Variants in GNE observed in about 807,000 individuals in gnomAD.
GNE encodes glucosamine (UDP-N-acetyl)-2-epimerase/N-acetylmannosamine kinase.
In GNE, 41 loss-of-function variants were observed where a neutral mutation model predicts 61.8. The observed-to-expected ratio is 0.66, with a 90% confidence interval of 0.52 to 0.86. The LOEUF is 0.86. GNE is among the 40% of genes least tolerant of loss of function. The pLI is 0.00. For missense variants in GNE, 608 were observed against 909.1 expected (o/e 0.67, Z 4.26); for synonymous variants, 264 against 326.4 (o/e 0.81, Z 2.06).
At chr9:36,248,044 A>T (rs1164530542) in intron 2 of GNE, among the ~76,000 whole-genome samples, 1 of 151,628 alleles carries the variant, frequency 6.6e-6, no homozygotes, top group Non-Finnish European at 1.5e-5. Flanking sequence ...AAAAAAAAAA[A>T]AAAAATCTGT....
intron 11 of GNE, 77 bp from the exon 12 acceptor site, chr9:36,217,677 G>A: frequency 2.3e-6 from 2 of 866,898 alleles, no homozygotes; most frequent in Admixed American, 4.0e-5. Flanking sequence ...GCAGAAAAGA[G>A]CCAGCAGCAG....
intron 1 of GNE, among the ~76,000 whole-genome samples, chr9:36,274,241 A>T (rs1348500134): frequency 6.6e-6 from 1 of 151,948 alleles, no homozygotes; most frequent in Non-Finnish European, 1.5e-5. Flanking sequence ...GACTACAGGC[A>T]TGTGCCACCA....
At chr9:36,258,618 G>T, upstream of GNE, 1 of 601,262 alleles carries the variant, frequency 1.7e-6, no homozygotes, top group Non-Finnish European at 2.1e-6. Context: ...GCAGGGTGCT[G>T]ACCAGCGGAC....
intron 1 of GNE, among the ~76,000 whole-genome samples, chr9:36,266,913 C>T (rs983679725): frequency 1.2e-4 from 18 of 150,108 alleles, no homozygotes; most frequent in Admixed American, 3.3e-4. Flanking sequence ...AAAAAAAATA[C>T]AAAAATTAAC....
At position 36,217,092 on chromosome 9, in the gene GNE, A is replaced by G. The variant is rs192714222; in HGVS notation, c.*273T>C. 2.4e-4 allele frequency: 118 copies of G among 490,290 alleles called. No individual in the cohort carries two copies. The highest frequency in any genetic ancestry group is 2.1e-3 in the African/African-American group (107 of 51,528). The allele number at this position is 490,290 out of a possible 1,614,324, so 30.4% of individuals were successfully genotyped here. ...AAGAAGGCTTCCTCTCTATTATTGTAGCTGCTTTGGCACAGAAAATTGTGA... is the reference window on the plus strand; with the variant it reads ...AAGAAGGCTTCCTCTCTATTATTGTGGCTGCTTTGGCACAGAAAATTGTGA... On this transcript the variant is annotated 3_prime_UTR_variant, in exon 12 of 12. Coordinates refer to ENST00000642385, the MANE Select transcript of GNE (RefSeq NM_005476.7).
rs1563922571 is a variant in GNE at position 36,214,952 on chromosome 9, A to G, written c.*2413T>C. 6.6e-6 allele frequency: 1 copy of G among 152,242 alleles called. No individual in the cohort carries two copies. Among genetic ancestry groups the G allele is most frequent in the Non-Finnish European group, 1.5e-5 (1 of 68,046 alleles). The allele number at this position is 152,242 out of a possible 1,614,324, so 9.4% of individuals were successfully genotyped here. ...TGAACACTGAAACAATATGTTGTAG[A>G]AACCTTCATTTTCCCAAAATAGAAA... On this transcript the variant is annotated 3_prime_UTR_variant, in exon 12 of 12. Transcript: ENST00000642385.
chr9:36,232,723 C>G lies in GNE; in HGVS notation c.982+1197G>C, dbSNP rs180858856. On this transcript the variant is annotated intron_variant, in intron 5 of 11. Coordinates refer to ENST00000642385, the MANE Select transcript of GNE (RefSeq NM_005476.7). ...ATCATATACCTTGTGTTACAGCAGG[C>G]ACAGCATATAGAATTCCTGATATTT... Among the ~76,000 whole-genome samples the G allele has an allele frequency of 5.8e-3, 882 of 152,332 alleles. 11 individuals are homozygous for G. Among genetic ancestry groups the G allele is most frequent in the African/African-American group, 0.02 (816 of 41,572 alleles).
intron 1 of GNE, among the ~76,000 whole-genome samples, chr9:36,275,151 C>T (rs949975099): frequency 2.0e-5 from 3 of 152,160 alleles, no homozygotes; most frequent in African/African-American, 4.8e-5. Flanking sequence ...ACTTCAAATC[C>T]GCTTGTCCAA....
chr9:36,275,146 A>T (rs1156639519), intron 1 of GNE, among the ~76,000 whole-genome samples: 3 of 152,214 alleles, frequency 2.0e-5, no homozygotes, highest in Non-Finnish European at 2.9e-5. Context: ...CAAGCACTTC[A>T]AATCCGCTTG....
rs1829868779 is a variant in GNE at position 36,246,230 on chromosome 9, A to G, written c.417T>C (p.Ser139=). ...GTCTGATAGAGTCATCAATGGTCCC[A>G]CTGACTTCCCCACCTTCAATGTGAA... The part of the protein sequence containing the change: ...RILHIEGGEV[S]GTIDDSIRHA... The change falls in exon 3 of 12, where the codon AGT becomes AGC. Residue 139 remains serine (S), a synonymous_variant. Transcript: ENST00000642385. 2.5e-6 allele frequency: 4 copies of G among 1,614,234 alleles called. No homozygotes were observed. Among genetic ancestry groups the G allele is most frequent in the Non-Finnish European group, 2.5e-6 (3 of 1,180,028 alleles).
At position 36,229,125 on chromosome 9, in the gene GNE, A is replaced by T; in HGVS notation, c.983-17T>A. On this transcript the variant is annotated splice_polypyrimidine_tract_variant and intron_variant, in intron 5 of 11. Transcript: ENST00000642385. ...CATTCTCCCCTAGGTAAAACCAGTG[A>T]CACATTACAAGGATTTGGAAGTGGG... 7.2e-7 allele frequency: 1 copy of T among 1,397,666 alleles called. No homozygotes were observed. The highest frequency in any genetic ancestry group is 1.0e-6 in the Non-Finnish European group (1 of 982,280). The allele number at this position is 1,397,666 out of a possible 1,614,324, so 86.6% of individuals were successfully genotyped here. A position where few individuals can be genotyped will look rare whatever the true frequency, so the allele number is the denominator to read the frequency against.
At chr9:36,263,352 G>A (rs894291124), upstream of GNE, 4 of 211,664 alleles carry the variant, frequency 1.9e-5, no homozygotes, top group South Asian at 5.3e-5. Context: ...TGTATTTTTA[G>A]TAGAGATGGG....
chr9:36,248,481 A>ATT (rs113051412), intron 2 of GNE, among the ~76,000 whole-genome samples: 74 of 143,924 alleles, frequency 5.1e-4, no homozygotes, highest in African/African-American at 5.8e-4. Context: ...CAACTGGCTA[A>ATT]TTTTTTTTTT....
intron 3 of GNE, among the ~76,000 whole-genome samples, chr9:36,237,828 CAAGTCCCCA>C (rs1202934737): frequency 6.6e-6 from 1 of 151,588 alleles, no homozygotes; most frequent in African/African-American, 2.4e-5. Flanking sequence ...CTCTTCCCCC[CAAGTCCCCA>C]AAGTCCACTG....
At chr9:36,260,281 TAA>T (rs538107305), upstream of GNE, among the ~76,000 whole-genome samples, 45 of 123,500 alleles carry the variant, frequency 3.6e-4, no homozygotes, top group Middle Eastern at 3.9e-3. Context: ...CCTCATCTCT[TAA>T]AAAAAAAAAA....
At chr9:36,255,398 C>T (rs950520182) in intron 1 of GNE, among the ~76,000 whole-genome samples, 8 of 152,096 alleles carry the variant, frequency 5.3e-5, no homozygotes, top group East Asian at 1.9e-4. Flanking sequence ...TTAGTTGAGA[C>T]GCGGTTTCAA....
At chr9:36,273,116 A>G (rs1357283519) in intron 1 of GNE, among the ~76,000 whole-genome samples, 5 of 151,912 alleles carry the variant, frequency 3.3e-5, no homozygotes, top group Non-Finnish European at 1.5e-5. Context: ...AATTTTGGAT[A>G]TGTTGAATTT....
Position 36,249,334 on chromosome 9 carries a change from G to A in GNE, c.22C>T (p.Arg8Ter), listed in dbSNP as rs766420673. The part of the protein sequence containing the change: MEKNGNN[R>*]KLRVCVATCN... ...GTAGCAACACAAACCCGCAGCTTTC[G>A]GTTATTTCCATTCTTCTCCATGATT... Residue 8 changes from arginine (R) to a stop codon, truncating the protein, a stop_gained, in exon 2 of 12, where the codon CGA becomes TGA. Coordinates refer to ENST00000642385, the MANE Select transcript of GNE (RefSeq NM_005476.7). LOFTEE classifies it high-confidence loss of function. The A allele has an allele frequency of 2.2e-5, 35 of 1,613,824 alleles. No individual in the cohort carries two copies. The highest frequency in any genetic ancestry group is 4.0e-5 in the African/African-American group (3 of 75,010).
intron 2 of GNE, among the ~76,000 whole-genome samples, chr9:36,247,749 G>A (rs568633302): frequency 3.0e-4 from 45 of 152,022 alleles, no homozygotes; most frequent in African/African-American, 1.0e-3. Context: ...AAATCTGGAC[G>A]GACGCAGTGG....
Sources: gnomAD v4.1 joint callset for allele counts (sites outside exome capture counted in the v4.1 genomes callset) on GRCh38, gnomAD v4.1.1 for gene constraint, MANE v1.5 for transcripts, NCBI Gene and HGNC (gene_info 2026-07-23, HGNC 2026-07-21) for gene names.